EML4: variants seen among roughly 807,000 people sequenced by gnomAD.
EML4 encodes echinoderm microtubule-associated protein-like 4.
Under a neutral mutation model 129.0 loss-of-function variants are expected in EML4, and 72 were observed. The ratio of observed to expected loss-of-function variants is 0.56; its 90% CI spans 0.46 to 0.68. EML4 has a LOEUF of 0.68. EML4 is among the 30% of genes least tolerant of loss of function. The pLI is 0.00. For synonymous variants in EML4, 532 were observed against 405.0 expected (o/e 1.31, Z -3.77); for missense variants, 1,363 against 1,190.6 (o/e 1.14, Z -2.13).
chr2:42,222,810 T>C (rs1447090068), intron 1 of EML4, among the ~76,000 whole-genome samples: 1 of 152,114 alleles, frequency 6.6e-6, no homozygotes, highest in Non-Finnish European at 1.5e-5. Context: ...TGTTTTGTTT[T>C]GTTTTTGAGA....
At chr2:42,262,024 G>C (rs1284937732) in intron 4 of EML4, among the ~76,000 whole-genome samples, 2 of 152,086 alleles carry the variant, frequency 1.3e-5, no homozygotes, top group South Asian at 4.2e-4. Flanking sequence ...TGCCTGTTTA[G>C]AAATGCTTAT....
chr2:42,239,256 G>A (rs754666795), intron 1 of EML4, among the ~76,000 whole-genome samples: 3 of 152,068 alleles, frequency 2.0e-5, no homozygotes, highest in Non-Finnish European at 4.4e-5. Flanking sequence ...AAATCCAAAG[G>A]TACTAGAATG....
chr2:42,233,465 C>G lies in EML4; in HGVS notation c.26-12040C>G, dbSNP rs967182234. Among the ~76,000 whole-genome samples, 5 of 151,832 alleles carry G rather than the reference C, an allele frequency of 3.3e-5. No homozygotes were observed. The South Asian group carries it at 1.0e-3, about 32-fold the overall frequency. On this transcript the variant is annotated intron_variant, in intron 1 of 22. Transcript: ENST00000318522. Reference sequence around the variant, plus strand: ...GGACTATAGGCACCCGCCACCATGCCCAGCCAATTTTTTTTTTATTTTTAG... The same window carrying G: ...GGACTATAGGCACCCGCCACCATGCGCAGCCAATTTTTTTTTTATTTTTAG...
intron 1 of EML4, among the ~76,000 whole-genome samples, chr2:42,237,268 C>T (rs1243542860): frequency 1.3e-5 from 2 of 152,102 alleles, no homozygotes; most frequent in African/African-American, 4.8e-5. Context: ...TTATGTGTTA[C>T]AGCTATCTTT....
chr2:42,265,260 TTTTG>T (rs1265844959), intron 6 of EML4, among the ~76,000 whole-genome samples: 2 of 152,090 alleles, frequency 1.3e-5, no homozygotes, highest in Admixed American at 6.6e-5. Context: ...TTTTGGTGTT[TTTTG>T]TTTGTTTGTT....
chr2:42,181,660 T>C (rs983208983), intron 1 of EML4, among the ~76,000 whole-genome samples: 2 of 152,190 alleles, frequency 1.3e-5, no homozygotes, highest in African/African-American at 4.8e-5. Flanking sequence ...AAATTGACCC[T>C]GTTTTGGCAA....
intron 19 of EML4, chr2:42,319,720 T>A (rs957628861): frequency 6.6e-6 from 1 of 152,254 alleles, no homozygotes; most frequent in Non-Finnish European, 1.5e-5. Context: ...AACTGGAGTT[T>A]ATAATAGTTC....
intron 6 of EML4, among the ~76,000 whole-genome samples, chr2:42,278,199 T>C (rs1193891965): frequency 6.6e-6 from 1 of 152,188 alleles, no homozygotes; most frequent in East Asian, 1.9e-4. Flanking sequence ...ATTAAACCTG[T>C]TGTATGTAGG....
intron 17 of EML4, among the ~76,000 whole-genome samples, chr2:42,312,576 C>T (rs55949317): frequency 2.0e-5 from 3 of 147,322 alleles, no homozygotes; most frequent in Non-Finnish European, 3.0e-5. Flanking sequence ...TTTTTTTAGA[C>T]GGGGTCTTGC....
chr2:42,326,113 C>T, intron 20 of EML4, 41 bp from the exon 21 acceptor site: 1 of 1,607,072 alleles, frequency 6.2e-7, no homozygotes, highest in Non-Finnish European at 8.5e-7. Context: ...TACATTTGTA[C>T]ACAAGCACTA....
rs539077404 is a variant in EML4, at chr2:42,272,752, T to C, written c.667+8021T>C. Among the ~76,000 whole-genome samples the C allele has an allele frequency of 9.8e-5, 15 of 152,286 alleles. No individual in the cohort carries two copies. The South Asian group carries it at 2.9e-3, about 29-fold the overall frequency. ...ATGAAAAGACTTTAACCACAATAAA[T>C]ACGTATAAGATTAGAACGTTCTCTA... On this transcript the variant is annotated intron_variant, in intron 6 of 22. Transcript: ENST00000318522.
chr2:42,268,735 G>A (rs866083876), intron 6 of EML4, among the ~76,000 whole-genome samples: 2 of 152,122 alleles, frequency 1.3e-5, no homozygotes, highest in Non-Finnish European at 2.9e-5. Context: ...GCCGCACCTG[G>A]CCTACATTTT....
At chr2:42,206,393 T>TG (rs1672539987) in intron 1 of EML4, among the ~76,000 whole-genome samples, 1 of 152,258 alleles carries the variant, frequency 6.6e-6, no homozygotes, top group African/African-American at 2.4e-5. Flanking sequence ...TTTGAATTTC[T>TG]GGGGGAGAAA....
intron 1 of EML4, among the ~76,000 whole-genome samples, chr2:42,171,423 A>C (rs976830752): frequency 2.6e-5 from 4 of 152,182 alleles, no homozygotes; most frequent in African/African-American, 9.7e-5. Context: ...GTTTAGGAGG[A>C]GTCTTTCTCA....
intron 17 of EML4, among the ~76,000 whole-genome samples, chr2:42,307,189 G>C (rs1203123602): frequency 6.6e-6 from 1 of 152,154 alleles, no homozygotes; most frequent in Non-Finnish European, 1.5e-5. Flanking sequence ...CAATTTGTAG[G>C]GAAAATTGTT....
At chr2:42,264,804 T>A in intron 6 of EML4, 73 bp downstream of exon 6, 3 of 1,405,276 alleles carry the variant, frequency 2.1e-6, no homozygotes, top group Non-Finnish European at 2.9e-6. Flanking sequence ...AAAAGAATAT[T>A]TTCATCCAGT....
chr2:42,214,629 G>T (rs1673075746), intron 1 of EML4, among the ~76,000 whole-genome samples: 1 of 152,150 alleles, frequency 6.6e-6, no homozygotes, highest in Non-Finnish European at 1.5e-5. Flanking sequence ...TCAGGAATTT[G>T]GGCAGGGCTT....
chr2:42,288,265 T>C lies in EML4; in HGVS notation c.1161T>C (p.Asn387=). Reference sequence around the variant, plus strand: ...ATTTATGTATTATTGATGACTCCAATGAGCATATGCTTACTGTATGGGACT... The same window carrying C: ...ATTTATGTATTATTGATGACTCCAACGAGCATATGCTTACTGTATGGGACT... ...GVHLCIIDDS[N]EHMLTVWDWQ... The change falls in exon 11 of 23, where the codon AAT becomes AAC. Residue 387 remains asparagine (N), a synonymous_variant. Transcript: ENST00000318522. The C allele has an allele frequency of 6.4e-7, 1 of 1,569,706 alleles. No homozygotes were observed. The highest frequency in any genetic ancestry group is 8.7e-7 in the Non-Finnish European group (1 of 1,146,532).
chr2:42,204,407 C>A (rs1422305678), intron 1 of EML4, among the ~76,000 whole-genome samples: 1 of 152,058 alleles, frequency 6.6e-6, no homozygotes, highest in African/African-American at 2.4e-5. Context: ...CTGGAAAGGG[C>A]CAGATAATAA....
Sources: gnomAD v4.1 joint callset for allele counts (sites outside exome capture counted in the v4.1 genomes callset) on GRCh38, gnomAD v4.1.1 for gene constraint, MANE v1.5 for transcripts, NCBI Gene and HGNC (gene_info 2026-07-23, HGNC 2026-07-21) for gene names.